GREB1: variants seen among roughly 807,000 people sequenced by gnomAD.
GREB1 encodes growth regulating estrogen receptor binding 1.
Under a neutral mutation model 200.7 loss-of-function variants are expected in GREB1, and 106 were observed. That is an observed-to-expected ratio of 0.53 (90% confidence interval 0.45 to 0.62). The LOEUF (loss-of-function observed/expected upper bound fraction) is 0.62, where lower values mean the gene tolerates loss of function less well. Ranked by LOEUF, GREB1 falls within the 20% of genes least tolerant of loss-of-function variation. The pLI is 0.00. For synonymous variants in GREB1, 1,132 were observed against 1,092.4 expected (o/e 1.04, Z -0.72); for missense variants, 2,243 against 2,556.8 (o/e 0.88, Z 2.65).
intron 11 of GREB1, among the ~76,000 whole-genome samples, chr2:11,594,088 C>T (rs923811718): frequency 3.9e-5 from 6 of 152,158 alleles, no homozygotes; most frequent in African/African-American, 1.2e-4. Context: ...ATTGCAGTAT[C>T]GAGCTCCCGG....
intron 4 of GREB1, among the ~76,000 whole-genome samples, chr2:11,571,586 A>C (rs35414791): frequency 0.012 from 1,853 of 152,340 alleles, 18 homozygotes; most frequent in Non-Finnish European, 0.019. Flanking sequence ...AATTTGAGGA[A>C]CTACTGTCGT....
intron 4 of GREB1, among the ~76,000 whole-genome samples, chr2:11,567,624 G>T (rs541081367): frequency 3.2e-4 from 48 of 152,298 alleles, no homozygotes; most frequent in African/African-American, 1.1e-3. Context: ...TTCCCTTCCA[G>T]CCACCGGCAC....
chr2:11,602,071 T>C (rs1356578384), intron 16 of GREB1, among the ~76,000 whole-genome samples: 1 of 152,242 alleles, frequency 6.6e-6, no homozygotes, highest in South Asian at 2.1e-4. Flanking sequence ...TGCCCATTCC[T>C]AAAACCAGCT....
At chr2:11,601,037 A>C in intron 16 of GREB1, 42 bp downstream of exon 16, 5 of 1,519,402 alleles carry the variant, frequency 3.3e-6, no homozygotes, top group Non-Finnish European at 3.6e-6. Flanking sequence ...TAGCAATATC[A>C]CTTGGGTTTG....
In GREB1 at chr2:11,642,323, G is replaced by C. The variant is rs1190514971; in HGVS notation, c.*1869G>C. On this transcript the variant is annotated 3_prime_UTR_variant, in exon 33 of 33. Transcript: ENST00000381486. Reference sequence around the variant, plus strand: ...TTTTTTTTAGTAGAGATGGGGTTTCGCCAGGTTGGCCAGGCTGGTCTTGTG... The same window carrying C: ...TTTTTTTTAGTAGAGATGGGGTTTCCCCAGGTTGGCCAGGCTGGTCTTGTG... 6.6e-6 allele frequency: 1 copy of C among 151,368 alleles called. No homozygotes were observed. The highest frequency in any genetic ancestry group is 1.5e-5 in the Non-Finnish European group (1 of 67,880). The allele number at this position is 151,368 out of a possible 1,614,324, so 9.4% of individuals were successfully genotyped here. A position where few individuals can be genotyped will look rare whatever the true frequency, so the allele number is the denominator to read the frequency against.
intron 1 of GREB1, among the ~76,000 whole-genome samples, chr2:11,526,656 A>G (rs1177581202): frequency 1.3e-5 from 2 of 151,714 alleles, no homozygotes; most frequent in Non-Finnish European, 1.5e-5. Context: ...CCCAGGTTCA[A>G]GTGATTCTCC....
In GREB1 at chr2:11,548,309, TGCACACACAC is replaced by T. The variant is rs1675490555; in HGVS notation, c.-161-8136_-161-8127del. On this transcript the variant is annotated intron_variant, in intron 1 of 32. Transcript: ENST00000381486. This position sits in a 1 kb window ranked among gnomAD's most constrained non-coding sequence, Gnocchi z 5.1. ...GCACACACGTGCACATACCCACATA[TGCACACACAC>T]GCACACACCCAGACACGTGCACACA... Among the ~76,000 whole-genome samples the T allele has an allele frequency of 1.3e-5, 2 of 151,586 alleles. No homozygotes were observed. The highest frequency in any genetic ancestry group is 4.8e-5 in the African/African-American group (2 of 41,268).
intron 15 of GREB1, among the ~76,000 whole-genome samples, chr2:11,599,733 G>A (rs1400451910): frequency 6.6e-6 from 1 of 152,084 alleles, no homozygotes; most frequent in African/African-American, 2.4e-5. Flanking sequence ...TGTTAGCCAG[G>A]ATGGTCTCGA....
chr2:11,632,014 G>T lies in GREB1; in HGVS notation c.4717G>T (p.Val1573Leu), dbSNP rs200385140. 1 of 1,613,726 alleles carries T rather than the reference G, an allele frequency of 6.2e-7. No individual in the cohort carries two copies. The highest frequency in any genetic ancestry group is 2.2e-5 in the East Asian group (1 of 44,874). ...HAMDGASHLH[V>L]LVVKEYEMAI... Reference sequence around the variant, plus strand: ...AATGGACGGTGCCAGCCATTTGCACGTGCTGGTTGTCAAGGAATACGAGAT... The same window carrying T: ...AATGGACGGTGCCAGCCATTTGCACTTGCTGGTTGTCAAGGAATACGAGAT... The change falls in exon 27 of 33, where the codon GTG becomes TTG. Residue 1573 changes from valine (V) to leucine (L), a missense_variant. Transcript: ENST00000381486.
chr2:11,640,692 C>G lies in GREB1; in HGVS notation c.*238C>G, dbSNP rs1351886421. On this transcript the variant is annotated 3_prime_UTR_variant, in exon 33 of 33. Coordinates refer to ENST00000381486, the MANE Select transcript of GREB1 (RefSeq NM_014668.4). The surrounding 1 kb of genome is among the most constrained non-coding windows in gnomAD (Gnocchi z 4.6). ...CCAAGTTCTGGGCCAGCCCATTGCT[C>G]TGGGCTGTTTTAAAGCCCATTTCAC... 1.9e-5 allele frequency: 10 copies of G among 518,422 alleles called. No individual in the cohort carries two copies. Among genetic ancestry groups the G allele is most frequent in the Non-Finnish European group, 1.0e-5 (3 of 297,004 alleles). 32.1% of individuals were successfully genotyped at this position (518,422 alleles called of 1,614,324 possible).
At chr2:11,636,171 C>T (rs182304360) in intron 30 of GREB1, among the ~76,000 whole-genome samples, 13 of 152,354 alleles carry the variant, frequency 8.5e-5, no homozygotes, top group African/African-American at 3.1e-4. Flanking sequence ...GGGGCCTCTC[C>T]TCATTGTTCT....
intron 17 of GREB1, among the ~76,000 whole-genome samples, chr2:11,607,618 A>G (rs1226024668): frequency 2.9e-4 from 8 of 27,616 alleles, no homozygotes; most frequent in Non-Finnish European, 6.9e-4. Context: ...ATACACATAT[A>G]TGCATATATA....
chr2:11,637,736 G>A lies in GREB1; in HGVS notation c.5367G>A (p.Ala1789=), dbSNP rs374404836. ...TGCAGGTGTCTGATAACTCTGCCGC[G>A]GTCGTGCCGGCCCAGTACATCTGTG... ...ITSKVSDNSA[A]VVPAQYICAP... is the part of the protein sequence containing the mutation. Residue 1789 remains alanine, a synonymous_variant, in exon 31 of 33, where the codon GCG becomes GCA. Transcript: ENST00000381486. The A allele has an allele frequency of 3.8e-5, 62 of 1,613,360 alleles. No homozygotes were observed. The highest frequency in any genetic ancestry group is 3.4e-5 in the Non-Finnish European group (40 of 1,180,014).
At chr2:11,515,648 C>T (rs73187477) in intron 1 of GREB1, among the ~76,000 whole-genome samples, 8 of 152,286 alleles carry the variant, frequency 5.3e-5, no homozygotes, top group African/African-American at 1.7e-4. Context: ...GTCACAACCC[C>T]GTCCCCTCCT....
intron 1 of GREB1, among the ~76,000 whole-genome samples, chr2:11,483,098 C>G (rs950701522): frequency 3.3e-5 from 5 of 151,878 alleles, no homozygotes; most frequent in Non-Finnish European, 7.4e-5. Flanking sequence ...GCCCTGGTCC[C>G]GGGAAGGAGG....
chr2:11,635,087 C>G (rs187407939), intron 29 of GREB1, among the ~76,000 whole-genome samples, 183 bp from the exon 30 acceptor site: 19 of 152,290 alleles, frequency 1.2e-4, no homozygotes, highest in African/African-American at 4.6e-4. Context: ...CTGTCCTGTG[C>G]GTTTTCCTTG....
At chr2:11,604,876 C>T (rs1572891014) in intron 17 of GREB1, among the ~76,000 whole-genome samples, 1 of 152,296 alleles carries the variant, frequency 6.6e-6, no homozygotes, top group East Asian at 1.9e-4. Context: ...TGTTAGTCCT[C>T]TATGTGCCAT....
Position 11,618,308 on chromosome 2 carries a change from T to A in GREB1, c.3433T>A (p.Ser1145Thr). 1.9e-6 allele frequency: 3 copies of A among 1,569,892 alleles called. No homozygotes were observed. The highest frequency in any genetic ancestry group is 2.6e-6 in the Non-Finnish European group (3 of 1,156,992). Residue 1145 changes from serine (S) to threonine (T), a missense_variant, in exon 22 of 33, where the codon TCC (serine) becomes ACC (threonine). By Grantham distance (58) the Ser-to-Thr change is moderately conservative (BLOSUM62 1). Coordinates refer to ENST00000381486, the MANE Select transcript of GREB1 (RefSeq NM_014668.4). ...CTCAGGTTCAGCGCTCGGTGGCGAG[T>A]CCTCGGCTCAGCCCACAGCACTCCC... is the stretch of plus-strand genomic sequence containing the variant. ...KASGSALGGE[S>T]SAQPTALPQG... is the part of the protein sequence containing the mutation.
chr2:11,550,661 ACCCAGT>A (rs1000546895), intron 1 of GREB1, among the ~76,000 whole-genome samples: 19 of 152,118 alleles, frequency 1.2e-4, no homozygotes, highest in Non-Finnish European at 2.5e-4. Context: ...AGGAGGCCTC[ACCCAGT>A]TCAGGACTGG....
Sources: gnomAD v4.1 joint callset for allele counts (sites outside exome capture counted in the v4.1 genomes callset) on GRCh38, gnomAD v4.1.1 for gene constraint, Gnocchi (gnomAD v3.1) non-coding constraint, MANE v1.5 for transcripts, NCBI Gene and HGNC (gene_info 2026-07-23, HGNC 2026-07-21) for gene names.